Variants in PLB1 observed in about 807,000 individuals in gnomAD.
The protein encoded by PLB1 is phospholipase B1, membrane-associated.
In PLB1, 242 loss-of-function variants were observed where a neutral mutation model predicts 227.4. That is an observed-to-expected ratio of 1.06 (90% confidence interval 0.96 to 1.18). The LOEUF (loss-of-function observed/expected upper bound fraction) is 1.18, where lower values mean the gene tolerates loss of function less well. PLB1 is among the 50% of genes most tolerant of loss of function. The pLI, the probability that PLB1 is intolerant of heterozygous loss-of-function variation, is 0.00. For synonymous variants in PLB1, 757 were observed against 682.2 expected, an observed-to-expected ratio of 1.11 and a Z score of -1.71; for missense variants, 1,858 against 1,816.3, an observed-to-expected ratio of 1.02 and a Z score of -0.42.
At position 28,614,103 on chromosome 2, in the gene PLB1, CCT is replaced by C; in HGVS notation, c.3195+8_3195+9del. 1 of 1,607,690 alleles carries C rather than the reference CCT, an allele frequency of 6.2e-7. No individual in the cohort carries two copies. The highest frequency in any genetic ancestry group is 1.7e-5 in the Admixed American group (1 of 59,992). ...CATCAAGCCAGCCATTGAGGTAACC[CCT>C]GACTCACATCTGCCTCTCTCAGACA... On this transcript the variant is annotated splice_region_variant and intron_variant, in intron 44 of 57. Transcript: ENST00000327757.
intron 27 of PLB1, 39 bp from the exon 28 acceptor site, chr2:28,589,636 G>A (rs754364424): frequency 6.2e-7 from 1 of 1,607,910 alleles, no homozygotes; most frequent in Middle Eastern, 1.7e-4. Flanking sequence ...ATGATCCAGT[G>A]TGTCTATAAC....
chr2:28,569,215 T>A (rs1297551561), intron 20 of PLB1, among the ~76,000 whole-genome samples: 1 of 133,762 alleles, frequency 7.5e-6, no homozygotes, highest in Non-Finnish European at 1.7e-5. Flanking sequence ...CGGGGGCAAG[T>A]GTCCTTGTGT....
rs780446145 is a variant in PLB1, at chr2:28,630,652, C to CT, written c.3886dup (p.Trp1296LeufsTer20). 6.2e-7 allele frequency: 1 copy of CT among 1,612,338 alleles called. No homozygotes were observed. The highest frequency in any genetic ancestry group is 8.5e-7 in the Non-Finnish European group (1 of 1,179,220). On this transcript the variant is annotated frameshift_variant, in exon 54 of 58. Transcript: ENST00000327757. LOFTEE classifies it high-confidence loss of function. ...AGAAGCAAGAACTGAAGAAAGTGAA[C>CT]TGGAACCTCCAGGTAAGCCCTGCAG...
At chr2:28,549,887 C>T in intron 15 of PLB1, 123 bp from the exon 16 acceptor site, 1 of 708,722 alleles carries the variant, frequency 1.4e-6, no homozygotes, top group Non-Finnish European at 2.4e-6. Context: ...TGGTTTGGTC[C>T]TCACTGGAAG....
chr2:28,619,402 G>A (rs1221801121), intron 46 of PLB1, among the ~76,000 whole-genome samples: 2 of 152,230 alleles, frequency 1.3e-5, no homozygotes, highest in African/African-American at 4.8e-5. Flanking sequence ...TTTGCATGTG[G>A]GTGAGGAGGG....
chr2:28,578,509 G>T (rs1260297366), intron 22 of PLB1, among the ~76,000 whole-genome samples: 1 of 152,174 alleles, frequency 6.6e-6, no homozygotes, highest in Non-Finnish European at 1.5e-5. Context: ...GTGGGGTGCA[G>T]AAGGGACCGG....
chr2:28,559,620 G>A (rs1034947426), intron 17 of PLB1, among the ~76,000 whole-genome samples: 4 of 151,994 alleles, frequency 2.6e-5, no homozygotes, highest in African/African-American at 7.3e-5. Flanking sequence ...ATGTTAATCC[G>A]GCTTCCTGCA....
chr2:28,568,261 C>T (rs1414175381), intron 20 of PLB1, among the ~76,000 whole-genome samples: 1 of 152,134 alleles, frequency 6.6e-6, no homozygotes, highest in Non-Finnish European at 1.5e-5. Flanking sequence ...TGGGATGGCC[C>T]AATGTATGCA....
chr2:28,507,160 G>A (rs1436646048), intron 1 of PLB1, among the ~76,000 whole-genome samples: 1 of 152,188 alleles, frequency 6.6e-6, no homozygotes, highest in Non-Finnish European at 1.5e-5. Flanking sequence ...TCTGGAACCT[G>A]CCATCGTCAA....
At chr2:28,553,394 T>TA (rs1558743331) in intron 17 of PLB1, among the ~76,000 whole-genome samples, 1 of 152,200 alleles carries the variant, frequency 6.6e-6, no homozygotes, top group African/African-American at 2.4e-5. Flanking sequence ...CAGAATGCAC[T>TA]AAAACACCAC....
At chr2:28,583,537 A>G (rs1680408397) in intron 25 of PLB1, among the ~76,000 whole-genome samples, 1 of 152,156 alleles carries the variant, frequency 6.6e-6, no homozygotes. Flanking sequence ...GGAAAATTCC[A>G]CACCTGACTT....
rs1680800187 is a variant in PLB1 at position 28,585,752 on chromosome 2, G to A, written c.1734-9G>A. 6.3e-7 allele frequency: 1 copy of A among 1,591,086 alleles called. No individual in the cohort carries two copies. The highest frequency in any genetic ancestry group is 1.7e-5 in the Admixed American group (1 of 59,964). ...TGGGATGAGGGTTTCTCTTTGGTTT[G>A]GTCTACAGGTCTCTGTGTCCCTGTG... On this transcript the variant is annotated splice_polypyrimidine_tract_variant and intron_variant, in intron 25 of 57. Coordinates refer to ENST00000327757, the MANE Select transcript of PLB1 (RefSeq NM_153021.5).
chr2:28,530,963 AAGTT>A (rs1670931820), intron 8 of PLB1, among the ~76,000 whole-genome samples: 1 of 152,232 alleles, frequency 6.6e-6, no homozygotes, highest in Admixed American at 6.5e-5. Flanking sequence ...GAGGAAACTG[AAGTT>A]CCCAGAAGTC....
intron 25 of PLB1, among the ~76,000 whole-genome samples, chr2:28,584,844 A>G (rs1021835684): frequency 6.6e-6 from 1 of 152,196 alleles, no homozygotes; most frequent in African/African-American, 2.4e-5. Flanking sequence ...GCAGTTTAAC[A>G]TAGAGATTAA....
At position 28,506,636 on chromosome 2, in the gene PLB1, G is replaced by A. The variant is rs567761377; in HGVS notation, c.56-10172G>A. Among the ~76,000 whole-genome samples, 429 of 152,282 alleles carry A rather than the reference G, an allele frequency of 2.8e-3. 3 individuals are homozygous for A. Among genetic ancestry groups the A allele is most frequent in the African/African-American group, 9.6e-3 (397 of 41,562 alleles). On this transcript the variant is annotated intron_variant, in intron 1 of 57. Transcript: ENST00000327757. ...ACCGGCCTAAGGTCATGCAGCAAGC[G>A]TGGAATTTTAATTTGCTGTAGTGGG...
In PLB1 at chr2:28,630,581, C is replaced by T. The variant is rs750135103; in HGVS notation, c.3819-5C>T. 1.9e-6 allele frequency: 3 copies of T among 1,613,116 alleles called. No homozygotes were observed. In the Admixed American group the frequency reaches 5.0e-5, roughly 27 times the overall value. On this transcript the variant is annotated splice_polypyrimidine_tract_variant and splice_region_variant and intron_variant, in intron 53 of 57. Coordinates refer to ENST00000327757, the MANE Select transcript of PLB1 (RefSeq NM_153021.5). ...AGCCTCAATACAACACTCCCTGTCT[C>T]ACAGGAACAACTGCACTTGCCTCAG... is the stretch of plus-strand genomic sequence containing the variant.
chr2:28,615,150 C>T (rs921632634), intron 44 of PLB1, among the ~76,000 whole-genome samples: 1 of 151,996 alleles, frequency 6.6e-6, no homozygotes, highest in Non-Finnish European at 1.5e-5. Context: ...GGCAGAAGGA[C>T]CATGGACCAC....
At chr2:28,614,150 A>G in intron 44 of PLB1, 54 bp downstream of exon 44, 1 of 1,492,138 alleles carries the variant, frequency 6.7e-7, no homozygotes, top group Non-Finnish European at 9.4e-7. Context: ...TCCACCTGCC[A>G]GGGGCTCGGG....
chr2:28,642,448 C>T (rs1690080147), intron 57 of PLB1, among the ~76,000 whole-genome samples: 1 of 152,184 alleles, frequency 6.6e-6, no homozygotes, highest in African/African-American at 2.4e-5. Flanking sequence ...ACTACAAAAC[C>T]AGCTGTCCTT....
Sources: allele counts gnomAD v4.1 joint callset (sites outside exome capture counted in the v4.1 genomes callset), GRCh38; gene constraint gnomAD v4.1.1; transcripts MANE v1.5; gene names NCBI Gene and HGNC (gene_info 2026-07-23, HGNC 2026-07-21).